Variants in MN1 observed in about 807,000 individuals in gnomAD.
MN1 encodes transcriptional activator MN1.
Under a neutral mutation model 86.9 loss-of-function variants are expected in MN1, and 19 were observed. The ratio of observed to expected loss-of-function variants is 0.22; its 90% confidence interval spans 0.15 to 0.32. The LOEUF is 0.32. MN1 is among the 10% of genes least tolerant of loss of function. The pLI, the probability that MN1 is intolerant of heterozygous loss-of-function variation, is 1.00. For synonymous variants in MN1, 928 were observed against 849.6 expected, an observed-to-expected ratio of 1.09 and a Z score of -1.60; for missense variants, 1,841 against 1,862.0, an observed-to-expected ratio of 0.99 and a Z score of 0.21.
intron 1 of MN1, among the ~76,000 whole-genome samples, chr22:27,772,162 G>C (rs191277115): frequency 6.6e-6 from 1 of 152,194 alleles, no homozygotes; most frequent in Admixed American, 6.5e-5. Flanking sequence ...AAGTCCTGGC[G>C]ACAGGGCATT....
In MN1 at chr22:27,800,526, T is replaced by A. The variant is rs369603656; in HGVS notation, c.18A>T (p.Gln6His). The stretch of plus-strand genomic sequence containing the variant: ...TCCTGCTGTTGACCTGGGGCTCGAA[T>A]TGGTCCAGCCCAAACATACTTGGCG... MFGLD[Q>H]FEPQVNSRNA... is the part of the protein sequence containing the mutation. Residue 6 changes from glutamine to histidine, a missense_variant, in exon 1 of 2, where the codon CAA (glutamine) becomes CAT (histidine). Gln to His is a conservative substitution (Grantham distance 24). Transcript: ENST00000302326. The A allele has an allele frequency of 5.0e-6, 8 of 1,614,034 alleles. No homozygotes were observed. In the African/African-American group the frequency reaches 1.1e-4, roughly 22 times the overall value.
chr22:27,786,850 A>ACG (rs1301639561), intron 1 of MN1, among the ~76,000 whole-genome samples: 1 of 152,074 alleles, frequency 6.6e-6, no homozygotes, highest in Non-Finnish European at 1.5e-5. Context: ...GCGCACACAC[A>ACG]CACACACACA....
intron 1 of MN1, among the ~76,000 whole-genome samples, chr22:27,766,141 C>T (rs548054148): frequency 6.6e-6 from 1 of 152,330 alleles, no homozygotes; most frequent in Admixed American, 6.5e-5. Context: ...CACTTGCCTT[C>T]TCTGAACTGA....
intron 1 of MN1, among the ~76,000 whole-genome samples, chr22:27,781,460 G>T (rs772128385): frequency 2.6e-5 from 4 of 152,150 alleles, no homozygotes; most frequent in Non-Finnish European, 5.9e-5. Flanking sequence ...TATGCCCTGG[G>T]GGGGGCAATA....
intron 1 of MN1, among the ~76,000 whole-genome samples, chr22:27,777,312 C>T (rs1025163717): frequency 6.6e-6 from 1 of 152,050 alleles, no homozygotes; most frequent in East Asian, 1.9e-4. Context: ...GAGGGAGGAT[C>T]GTTTGAGACC....
Position 27,756,071 on chromosome 22 carries a change from A to C in MN1, c.3782-4975T>G, listed in dbSNP as rs1293710428. ...TCCTGCCAACGCTGGCTATGAGTAC[A>C]GCCTGTCAATGTTGTTGGCCAGCCT... On this transcript the variant is annotated intron_variant, in intron 1 of 1. Coordinates refer to ENST00000302326, the MANE Select transcript of MN1 (RefSeq NM_002430.3). Among the ~76,000 whole-genome samples the C allele has an allele frequency of 5.3e-5, 8 of 152,232 alleles. 1 individual carries two copies. Among genetic ancestry groups the C allele is most frequent in the Non-Finnish European group, 1.2e-4 (8 of 68,038 alleles).
Position 27,797,633 on chromosome 22 carries a change from C to T in MN1, c.2911G>A (p.Ala971Thr), listed in dbSNP as rs771492839. Residue 971 changes from alanine to threonine, a missense_variant, in exon 1 of 2, where the codon GCA becomes ACA. Coordinates refer to ENST00000302326, the MANE Select transcript of MN1 (RefSeq NM_002430.3). ...KYSAAPDSGG[A>T]PGVSPGQQQA... is the part of the protein sequence containing the mutation. ...TGCTGCCCTGGGCTCACCCCAGGTG[C>T]GCCCCCGCTGTCCGGAGCCGCCGAG... 12 of 1,593,594 alleles carry T rather than the reference C, an allele frequency of 7.5e-6. No individual in the cohort carries two copies. The Admixed American group carries it at 1.7e-4, about 23-fold the overall frequency.
intron 1 of MN1, among the ~76,000 whole-genome samples, chr22:27,773,227 G>C (rs769027552): frequency 2.0e-5 from 3 of 152,066 alleles, no homozygotes; most frequent in Non-Finnish European, 4.4e-5. Context: ...AGGCCCAAGG[G>C]GGGTCTGGAG....
chr22:27,755,094 C>T (rs185269461), intron 1 of MN1, among the ~76,000 whole-genome samples: 8 of 152,324 alleles, frequency 5.3e-5, no homozygotes, highest in South Asian at 2.1e-4. Context: ...GGGTCACCCA[C>T]GGCCATGTCA....
chr22:27,797,865 C>T lies in MN1; in HGVS notation c.2679G>A (p.Pro893=), dbSNP rs1163534883. The change falls in exon 1 of 2, where the codon CCG becomes CCA. Residue 893 remains proline (P), a synonymous_variant. Transcript: ENST00000302326. ...TAPGAPGPGG[P]SGTSSSGSKA... is the part of the protein sequence containing the mutation. ...TGGAGCCGCTGCTACTGGTCCCGGA[C>T]GGGCCTCCGGGTCCTGGGGCCCCAG... 4 of 1,586,186 alleles carry T rather than the reference C, an allele frequency of 2.5e-6. No homozygotes were observed. Among genetic ancestry groups the T allele is most frequent in the Admixed American group, 1.8e-5 (1 of 56,394 alleles).
chr22:27,763,323 C>A (rs7290827), intron 1 of MN1, among the ~76,000 whole-genome samples: 1 of 152,120 alleles, frequency 6.6e-6, no homozygotes, highest in Admixed American at 6.5e-5. Context: ...TTTCCTGTGT[C>A]GGGTCAGCAC....
Position 27,798,781 on chromosome 22 carries a change from C to A in MN1, c.1763G>T (p.Gly588Val). Residue 588 changes from glycine (G) to valine (V), a missense_variant, in exon 1 of 2, where the codon GGC becomes GTC. Gly to Val is a moderately radical substitution (Grantham distance 109). Transcript: ENST00000302326. ...GCCCACCGGGCCGCCATGCACCAGG[C>A]CGCCCTGGCCCACGTCCCCGGGGTG... Reference protein sequence around the residue: ...LGHPGDVGQGGLVHGGPVGGL... With the variant: ...LGHPGDVGQGVLVHGGPVGGL... The A allele has an allele frequency of 6.5e-7, 1 of 1,534,802 alleles. No individual in the cohort carries two copies. The highest frequency in any genetic ancestry group is 1.2e-5 in the South Asian group (1 of 83,960).
At chr22:27,760,872 G>A (rs1932830101) in intron 1 of MN1, among the ~76,000 whole-genome samples, 1 of 152,232 alleles carries the variant, frequency 6.6e-6, no homozygotes, top group Non-Finnish European at 1.5e-5. Flanking sequence ...TCGGCTCCAG[G>A]GCGTGACCGT....
chr22:27,780,896 T>C (rs574834893), intron 1 of MN1, among the ~76,000 whole-genome samples: 1 of 150,686 alleles, frequency 6.6e-6, no homozygotes, highest in Non-Finnish European at 1.5e-5. Flanking sequence ...ATGCCAGCCC[T>C]CTTGAATATA....
intron 1 of MN1, among the ~76,000 whole-genome samples, chr22:27,780,471 G>C (rs1247558304): frequency 2.0e-5 from 3 of 152,182 alleles, no homozygotes; most frequent in Non-Finnish European, 4.4e-5. Flanking sequence ...TTGCAATCCG[G>C]CTGACAGCTG....
chr22:27,756,554 C>G (rs1051047557), intron 1 of MN1, among the ~76,000 whole-genome samples: 2 of 152,146 alleles, frequency 1.3e-5, no homozygotes, highest in African/African-American at 4.8e-5. Context: ...CAGAGCCCAA[C>G]AACTGCCCAT....
intron 1 of MN1, among the ~76,000 whole-genome samples, chr22:27,768,116 A>G (rs574735240): frequency 4.9e-4 from 75 of 152,230 alleles, no homozygotes; most frequent in African/African-American, 1.6e-3. Flanking sequence ...AAGAAGGGAG[A>G]GAAGGAGGGA....
At chr22:27,766,463 C>T (rs1178356736) in intron 1 of MN1, among the ~76,000 whole-genome samples, 2 of 152,084 alleles carry the variant, frequency 1.3e-5, no homozygotes, top group Non-Finnish European at 2.9e-5. Context: ...GAGGCGGGTG[C>T]AGGGGAGTGG....
chr22:27,796,671 C>T, intron 1 of MN1, 92 bp downstream of exon 1: 1 of 1,356,168 alleles, frequency 7.4e-7, no homozygotes, highest in Non-Finnish European at 1.0e-6. Context: ...GCCCTCCAAA[C>T]CTCAAAGGAC....
Sources: gnomAD v4.1 joint callset for allele counts (sites outside exome capture counted in the v4.1 genomes callset) on GRCh38, gnomAD v4.1.1 for gene constraint, MANE v1.5 for transcripts, NCBI Gene and HGNC (gene_info 2026-07-23, HGNC 2026-07-21) for gene names.